The following SLC38A4 variants were observed in gnomAD, a reference collection of about 807,000 sequenced individuals.
SLC38A4 encodes solute carrier family 38 member 4, also known as sodium-coupled neutral amino acid transporter 4.
Under a neutral mutation model 63.1 loss-of-function variants are expected in SLC38A4, and 20 were observed. The ratio of observed to expected loss-of-function variants is 0.32; its 90% CI spans 0.22 to 0.46. The LOEUF (loss-of-function observed/expected upper bound fraction) is 0.46. Ranked by LOEUF, SLC38A4 falls within the 20% of genes least tolerant of loss-of-function variation. The pLI is 1.00. For missense variants in SLC38A4, 526 were observed against 663.6 expected, an observed-to-expected ratio of 0.79 and a Z score of 2.28; for synonymous variants, 230 against 225.5, an observed-to-expected ratio of 1.02 and a Z score of -0.18.
At chr12:46,830,421 T>C (rs921685439), upstream of SLC38A4, among the ~76,000 whole-genome samples, 1 of 151,918 alleles carries the variant, frequency 6.6e-6, no homozygotes, top group Non-Finnish European at 1.5e-5. Flanking sequence ...AAATACAACA[T>C]AGGCTGATTT....
chr12:46,828,848 T>C (rs1337242360), upstream of SLC38A4, among the ~76,000 whole-genome samples: 2 of 152,188 alleles, frequency 1.3e-5, no homozygotes, highest in East Asian at 1.9e-4. Context: ...AATTAGGTCA[T>C]TATATACACA....
rs944407046 is a variant in SLC38A4, at chr12:46,779,882, A to T, written c.576-20T>A. On this transcript the variant is annotated intron_variant, in intron 8 of 16. Coordinates refer to ENST00000266579, the MANE Select transcript of SLC38A4 (RefSeq NM_018018.5). ...CATTCTCTAGAAGTGAGAGACAAGG[A>T]TATTAGAATCAGAAAAGACCAAGTA... 1 of 1,610,134 alleles carries T rather than the reference A, an allele frequency of 6.2e-7. No homozygotes were observed. Among genetic ancestry groups the T allele is most frequent in the Non-Finnish European group, 8.5e-7 (1 of 1,177,152 alleles).
intron 2 of SLC38A4, among the ~76,000 whole-genome samples, chr12:46,801,516 C>T (rs1939132273): frequency 1.3e-5 from 2 of 152,042 alleles, no homozygotes. Context: ...CCCAGCATTG[C>T]TATCTGTCTC....
chr12:46,803,505 A>G (rs1046079898), intron 2 of SLC38A4, 98 bp downstream of exon 2: 1 of 152,194 alleles, frequency 6.6e-6, no homozygotes, highest in East Asian at 1.9e-4. Context: ...AGTATTTTCA[A>G]ACATTTTAAT....
chr12:46,797,754 T>G (rs1166343978), intron 2 of SLC38A4, among the ~76,000 whole-genome samples: 1 of 152,140 alleles, frequency 6.6e-6, no homozygotes, highest in Non-Finnish European at 1.5e-5. Flanking sequence ...TCCTGGGAAC[T>G]CAAGTTCCAT....
intron 10 of SLC38A4, 117 bp downstream of exon 10, chr12:46,779,494 G>A: frequency 2.5e-6 from 2 of 793,554 alleles, no homozygotes; most frequent in East Asian, 2.5e-5. Flanking sequence ...AAAATCACTT[G>A]TGATACAAGA....
chr12:46,808,092 C>T (rs1939271228), intron 1 of SLC38A4, among the ~76,000 whole-genome samples: 1 of 151,854 alleles, frequency 6.6e-6, no homozygotes. Context: ...GCATTTTAAA[C>T]ATTTCTATTT....
chr12:46,766,495 GT>G lies in SLC38A4; in HGVS notation c.*205del, dbSNP rs1269318129. The G allele has an allele frequency of 1.5e-5, 10 of 655,992 alleles. No individual in the cohort carries two copies. In the East Asian group the frequency reaches 2.7e-4, roughly 18 times the overall value. 40.6% of individuals were successfully genotyped at this position (655,992 alleles called of 1,614,324 possible). A position where few individuals can be genotyped will look rare whatever the true frequency, so the allele number is the denominator to read the frequency against. On this transcript the variant is annotated 3_prime_UTR_variant, in exon 17 of 17. Coordinates refer to ENST00000266579, the MANE Select transcript of SLC38A4 (RefSeq NM_018018.5). ...ACCTGGGTAGAAATGTGCACCACAG[GT>G]TTTATTTTAAACACATACACAACCA...
Position 46,775,441 on chromosome 12 carries a change from G to T in SLC38A4, c.1175-268C>A, listed in dbSNP as rs973716156. Reference sequence around the variant, plus strand: ...TTTACATTGTGATAAATCTATCTCCGCTGTACAGAAGCAATTACAAATCAG... The same window carrying T: ...TTTACATTGTGATAAATCTATCTCCTCTGTACAGAAGCAATTACAAATCAG... On this transcript the variant is annotated intron_variant, in intron 13 of 16. Transcript: ENST00000266579. Among the ~76,000 whole-genome samples the T allele has an allele frequency of 3.9e-5, 6 of 151,946 alleles. No homozygotes were observed. The South Asian group carries it at 6.2e-4, about 16-fold the overall frequency.
At chr12:46,806,833 A>C (rs1939242504) in intron 1 of SLC38A4, among the ~76,000 whole-genome samples, 1 of 152,006 alleles carries the variant, frequency 6.6e-6, no homozygotes, top group South Asian at 2.1e-4. Flanking sequence ...AAAATACAAG[A>C]ATGTTGGCTC....
intron 1 of SLC38A4, among the ~76,000 whole-genome samples, chr12:46,821,554 G>C (rs57427131): frequency 0.018 from 2,674 of 151,844 alleles, 87 homozygotes; most frequent in African/African-American, 0.062. Flanking sequence ...AGCTTTTGTT[G>C]TCTTGTTTGT....
At chr12:46,799,980 T>C (rs1266441655) in intron 2 of SLC38A4, among the ~76,000 whole-genome samples, 1 of 152,160 alleles carries the variant, frequency 6.6e-6, no homozygotes, top group Non-Finnish European at 1.5e-5. Context: ...TTGGAATAAA[T>C]GTGCATTGAA....
At chr12:46,807,985 C>T (rs558779232) in intron 1 of SLC38A4, among the ~76,000 whole-genome samples, 72 of 151,384 alleles carry the variant, frequency 4.8e-4, no homozygotes, top group Non-Finnish European at 9.0e-4. Flanking sequence ...CTCAGATTTC[C>T]GTGGAAGCTT....
At chr12:46,767,215 A>G (rs1938318957) in intron 16 of SLC38A4, among the ~76,000 whole-genome samples, 1 of 148,550 alleles carries the variant, frequency 6.7e-6, no homozygotes, top group South Asian at 2.2e-4. Flanking sequence ...AGCTTAATAG[A>G]TGTTGCAACA....
intron 16 of SLC38A4, among the ~76,000 whole-genome samples, chr12:46,767,173 G>A (rs1938318330): frequency 6.6e-6 from 1 of 151,906 alleles, no homozygotes; most frequent in African/African-American, 2.4e-5. Flanking sequence ...TATATGATAT[G>A]ATTCTAATTT....
intron 12 of SLC38A4, among the ~76,000 whole-genome samples, chr12:46,777,698 A>C (rs1304740078): frequency 2.0e-5 from 3 of 152,046 alleles, no homozygotes; most frequent in African/African-American, 7.2e-5. Context: ...TAATGAGTTC[A>C]TATCCTTTGT....
intron 2 of SLC38A4, among the ~76,000 whole-genome samples, chr12:46,801,420 T>G (rs1034150296): frequency 1.3e-5 from 2 of 152,034 alleles, no homozygotes; most frequent in African/African-American, 4.8e-5. Flanking sequence ...GAAGCAAAAG[T>G]TCTGACCTTC....
chr12:46,775,990 A>G lies in SLC38A4; in HGVS notation c.1175-817T>C, dbSNP rs192726013. The stretch of plus-strand genomic sequence containing the variant: ...AAAGTTAATGCCCAATCTAAAGCAC[A>G]TGTTTGGTTAATAGTCAAATATTAG... On this transcript the variant is annotated intron_variant, in intron 13 of 16. Coordinates refer to ENST00000266579, the MANE Select transcript of SLC38A4 (RefSeq NM_018018.5). Among the ~76,000 whole-genome samples the G allele has an allele frequency of 6.9e-3, 1,046 of 152,098 alleles. 5 individuals are homozygous for G. Among genetic ancestry groups the G allele is most frequent in the Non-Finnish European group, 0.011 (763 of 67,948 alleles).
intron 14 of SLC38A4, among the ~76,000 whole-genome samples, chr12:46,771,455 G>C (rs1429983397): frequency 4.6e-5 from 7 of 152,186 alleles, no homozygotes; most frequent in South Asian, 2.1e-4. Context: ...TATATGTCCA[G>C]GGCCTCTGAA....
Sources: allele counts gnomAD v4.1 joint callset (sites outside exome capture counted in the v4.1 genomes callset), GRCh38; gene constraint gnomAD v4.1.1; transcripts MANE v1.5; gene names NCBI Gene and HGNC (gene_info 2026-07-23, HGNC 2026-07-21).